Variants in ATE1 observed in about 807,000 individuals in gnomAD.
The protein encoded by ATE1 is arginyltransferase 1.
In ATE1, 36 loss-of-function variants were observed where a neutral mutation model predicts 70.5. That is an observed-to-expected ratio of 0.51 (90% CI 0.39 to 0.67). The LOEUF is 0.67. ATE1 is among the 30% of genes least tolerant of loss of function. ATE1 has a pLI of 0.00. For missense variants in ATE1, 593 were observed against 629.5 expected, an observed-to-expected ratio of 0.94 and a Z score of 0.62; for synonymous variants, 232 against 219.3, an observed-to-expected ratio of 1.06 and a Z score of -0.51.
At chr10:121,876,688 C>T (rs749925821) in intron 7 of ATE1, among the ~76,000 whole-genome samples, 2 of 152,046 alleles carry the variant, frequency 1.3e-5, no homozygotes, top group Non-Finnish European at 2.9e-5. Flanking sequence ...GTGTTGCTGC[C>T]GGGCGCGGTG....
intron 7 of ATE1, among the ~76,000 whole-genome samples, chr10:121,875,304 TTTTG>T (rs1437020513): frequency 0.021 from 633 of 29,874 alleles, 20 homozygotes; most frequent in African/African-American, 0.045. Flanking sequence ...TTTGGTTTTT[TTTTG>T]TTTTTTTTTT....
intron 10 of ATE1, among the ~76,000 whole-genome samples, chr10:121,797,254 A>C (rs575812419): frequency 1.1e-4 from 17 of 152,358 alleles, no homozygotes; most frequent in African/African-American, 3.6e-4. Context: ...TTCAAAGGCG[A>C]AAGTTATAAA....
intron 11 of ATE1, among the ~76,000 whole-genome samples, chr10:121,771,259 C>T (rs1021314355): frequency 9.9e-5 from 15 of 152,118 alleles, no homozygotes; most frequent in South Asian, 6.2e-4. Flanking sequence ...TTAGTAGAGA[C>T]GGGGTTTCAC....
In ATE1 at chr10:121,899,997, T is replaced by C. The variant is rs374428502; in HGVS notation, c.814-3A>G. On this transcript the variant is annotated splice_polypyrimidine_tract_variant and splice_region_variant and intron_variant, in intron 6 of 11. Transcript: ENST00000224652. ...GGAGATGATCTCACCACCCTCACCT[T>C]CAGAAGCAGTTAAAAAAACAAGTTT... The C allele has an allele frequency of 2.1e-5, 34 of 1,611,828 alleles. No homozygotes were observed. Among genetic ancestry groups the C allele is most frequent in the African/African-American group, 2.7e-5 (2 of 74,850 alleles).
intron 10 of ATE1, among the ~76,000 whole-genome samples, chr10:121,833,997 T>C (rs1365936956): frequency 6.6e-6 from 1 of 152,134 alleles, no homozygotes; most frequent in Non-Finnish European, 1.5e-5. Flanking sequence ...TAAGCACAGG[T>C]CTTATGAAAA....
At chr10:121,786,380 CTG>C (rs1427397911) in intron 11 of ATE1, among the ~76,000 whole-genome samples, 1 of 151,948 alleles carries the variant, frequency 6.6e-6, no homozygotes, top group Non-Finnish European at 1.5e-5. Flanking sequence ...TGTAAAATAT[CTG>C]TATTGGCTGG....
At chr10:121,753,847 G>A (rs1944687109) in intron 11 of ATE1, among the ~76,000 whole-genome samples, 2 of 152,198 alleles carry the variant, frequency 1.3e-5, no homozygotes, top group Admixed American at 1.3e-4. Flanking sequence ...AAGATGAGAG[G>A]GAAGTTGGTT....
At position 121,740,752 on chromosome 10, in the gene ATE1, T is replaced by C. The variant is rs1000049246; in HGVS notation, c.*2928A>G. The C allele has an allele frequency of 5.3e-5, 8 of 152,182 alleles. No individual in the cohort carries two copies. The highest frequency in any genetic ancestry group is 1.7e-4 in the African/African-American group (7 of 41,446). 9.4% of individuals were successfully genotyped at this position (152,182 alleles called of 1,614,324 possible). A position where few individuals can be genotyped will look rare whatever the true frequency, so the allele number is the denominator to read the frequency against. On this transcript the variant is annotated 3_prime_UTR_variant, in exon 12 of 12. Transcript: ENST00000224652. ...AATCTGGAAAGGTTCTTTTACATAA[T>C]AGATTCTGACACGTTAAGAAACTAC...
chr10:121,875,039 T>C lies in ATE1; in HGVS notation c.943-5001A>G, dbSNP rs552057793. The stretch of plus-strand genomic sequence containing the variant: ...ACGTAGTCCCAGCTACTCAGGAGGC[T>C]GAGGCAGGAGAATGGCGTGAACCCA... On this transcript the variant is annotated intron_variant, in intron 7 of 11. Coordinates refer to ENST00000224652, the MANE Select transcript of ATE1 (RefSeq NM_001001976.3). 7.5e-3 allele frequency among the ~76,000 whole-genome samples: 987 copies of C among 131,126 alleles called. 19 individuals are homozygous for C. Among genetic ancestry groups the C allele is most frequent in the African/African-American group, 0.027 (947 of 34,742 alleles). 86.0% of individuals were successfully genotyped at this position (131,126 alleles called of 152,430 possible). A position where few individuals can be genotyped will look rare whatever the true frequency, so the allele number is the denominator to read the frequency against.
At chr10:121,927,752 G>A in intron 1 of ATE1, 92 bp downstream of exon 1, 1 of 1,420,900 alleles carries the variant, frequency 7.0e-7, no homozygotes, top group Non-Finnish European at 9.2e-7. Flanking sequence ...TGGGGCCAGG[G>A]GCTCCGGCCC....
intron 2 of ATE1, 110 bp from the exon 3 acceptor site, chr10:121,922,521 A>G: frequency 1.5e-6 from 1 of 677,364 alleles, no homozygotes; most frequent in Non-Finnish European, 2.6e-6. Context: ...AACATTGTAG[A>G]AATGCATGTA....
intron 8 of ATE1, among the ~76,000 whole-genome samples, chr10:121,858,031 T>A (rs1428225390): frequency 6.6e-6 from 1 of 152,226 alleles, no homozygotes; most frequent in African/African-American, 2.4e-5. Flanking sequence ...CCCTCCTTTT[T>A]AAGGCTGAAT....
At chr10:121,827,402 A>G (rs1318316981) in intron 10 of ATE1, among the ~76,000 whole-genome samples, 1 of 152,156 alleles carries the variant, frequency 6.6e-6, no homozygotes, top group Non-Finnish European at 1.5e-5. Flanking sequence ...ATGGGCAGCC[A>G]CCACCTTGGA....
chr10:121,792,575 C>T (rs192740002), intron 10 of ATE1, among the ~76,000 whole-genome samples: 2 of 152,232 alleles, frequency 1.3e-5, no homozygotes, highest in East Asian at 3.9e-4. Context: ...TATTCAAACA[C>T]AGAATTAGGA....
chr10:121,803,336 G>T (rs1946968962), intron 10 of ATE1, among the ~76,000 whole-genome samples: 2 of 152,178 alleles, frequency 1.3e-5, no homozygotes, highest in Non-Finnish European at 2.9e-5. Flanking sequence ...TTCCCTAGTT[G>T]CATTTAAATA....
intron 1 of ATE1, among the ~76,000 whole-genome samples, chr10:121,925,768 G>C (rs1016080718): frequency 1.3e-5 from 2 of 152,034 alleles, no homozygotes; most frequent in African/African-American, 4.8e-5. Flanking sequence ...TGTGGTCCCA[G>C]CTACTTGGGA....
intron 10 of ATE1, among the ~76,000 whole-genome samples, chr10:121,828,067 G>A (rs188513605): frequency 1.6e-4 from 24 of 152,256 alleles, no homozygotes; most frequent in African/African-American, 4.6e-4. Context: ...AAGATACCTC[G>A]TAAGCTCATG....
chr10:121,899,962 C>T lies in ATE1; in HGVS notation c.846G>A (p.Ser282=), dbSNP rs758431848. The change falls in exon 7 of 12, where the codon TCG becomes TCA. Residue 282 remains serine, a synonymous_variant. Coordinates refer to ENST00000224652, the MANE Select transcript of ATE1 (RefSeq NM_001001976.3). ...ACTCCAGAAGTGTGGCTTTGAACTG[C>T]GAACTTGGTGGAGATGATCTCACCA... is the stretch of plus-strand genomic sequence containing the variant. ...VRVVRSSPPS[S]QFKATLLESY... is the part of the protein sequence containing the mutation. 1.9e-5 allele frequency: 30 copies of T among 1,613,516 alleles called. No homozygotes were observed. The highest frequency in any genetic ancestry group is 2.3e-5 in the Non-Finnish European group (27 of 1,179,734).
intron 2 of ATE1, 149 bp downstream of exon 2, chr10:121,924,117 T>C: frequency 3.1e-6 from 2 of 653,684 alleles, no homozygotes; most frequent in Non-Finnish European, 2.6e-6. Flanking sequence ...CAAAGTTTTT[T>C]AAAAAGGAGA....
Sources: allele counts gnomAD v4.1 joint callset (sites outside exome capture counted in the v4.1 genomes callset), GRCh38; gene constraint gnomAD v4.1.1; transcripts MANE v1.5; gene names NCBI Gene and HGNC (gene_info 2026-07-23, HGNC 2026-07-21).